Variants in WLS observed in about 807,000 individuals in gnomAD.
WLS encodes the protein Wnt ligand secretion mediator, also known as protein wntless homolog.
WLS carries 23 observed loss-of-function variants against 62.8 expected under a neutral mutation model. The observed-to-expected ratio is 0.37, with a 90% CI of 0.26 to 0.52. The LOEUF (loss-of-function observed/expected upper bound fraction) is 0.52. WLS is among the 20% of genes least tolerant of loss of function. The pLI is 0.92. For synonymous variants in WLS, 246 were observed against 244.1 expected (o/e 1.01, Z -0.07); for missense variants, 615 against 697.3 (o/e 0.88, Z 1.33).
intron 11 of WLS, among the ~76,000 whole-genome samples, chr1:68,126,655 T>TC (rs1646435220): frequency 6.6e-6 from 1 of 152,186 alleles, no homozygotes; most frequent in Non-Finnish European, 1.5e-5. Context: ...TCTAATCACT[T>TC]TGTAAGTGAT....
intron 11 of WLS, among the ~76,000 whole-genome samples, chr1:68,101,216 C>T (rs1646073573): frequency 6.6e-6 from 1 of 152,156 alleles, no homozygotes. Flanking sequence ...ATCAACACCT[C>T]ATGGGTTGTT....
intron 1 of WLS, chr1:68,202,293 C>T (rs1168957195): frequency 1.3e-5 from 2 of 152,178 alleles, no homozygotes; most frequent in Non-Finnish European, 2.9e-5. Context: ...GTAAAATGCA[C>T]ATAAAGGGCC....
At chr1:68,217,830 C>G (rs1251656983) in intron 1 of WLS, among the ~76,000 whole-genome samples, 1 of 152,076 alleles carries the variant, frequency 6.6e-6, no homozygotes, top group Non-Finnish European at 1.5e-5. Context: ...GGGTCTGGTT[C>G]CCCCACCGCC....
intron 2 of WLS, among the ~76,000 whole-genome samples, chr1:68,172,768 G>T (rs4233320): frequency 0.38 from 57,819 of 151,892 alleles, 11,169 homozygotes; most frequent in Non-Finnish European, 0.4. Context: ...GGCATTACAG[G>T]CAGAGGAAGC....
intron 11 of WLS, among the ~76,000 whole-genome samples, chr1:68,102,253 CT>C (rs60735568): frequency 0.28 from 42,601 of 152,098 alleles, 10,607 homozygotes; most frequent in African/African-American, 0.67. Flanking sequence ...GCCCCTTCCT[CT>C]TTTTACTTCT....
chr1:68,098,502 C>T (rs1350130112), exon 12 of WLS: 1 of 1,403,330 alleles, frequency 7.1e-7, no homozygotes, highest in African/African-American at 1.4e-5. Context: ...ATTGTTGACG[C>T]TTTTTTCCTT....
intron 1 of WLS, among the ~76,000 whole-genome samples, chr1:68,195,877 A>T (rs545430507): frequency 6.6e-6 from 1 of 152,000 alleles, no homozygotes; most frequent in Non-Finnish European, 1.5e-5. Context: ...GTGAGGTTCT[A>T]GTTTTATTTC....
chr1:68,228,842 C>CAAAAAAA (rs66626696), intron 1 of WLS, among the ~76,000 whole-genome samples: 638 of 58,022 alleles, frequency 0.011, 20 homozygotes, highest in Admixed American at 0.019. Flanking sequence ...ACACTGGTGC[C>CAAAAAAA]AAAAAAAAAA....
At chr1:68,168,865 G>T (rs182327281) in intron 2 of WLS, among the ~76,000 whole-genome samples, 1 of 152,096 alleles carries the variant, frequency 6.6e-6, no homozygotes, top group African/African-American at 2.4e-5. Context: ...TTTTCTTGAC[G>T]CTTTCAATTA....
chr1:68,151,837 G>C (rs1371674132), intron 5 of WLS, among the ~76,000 whole-genome samples: 2 of 152,144 alleles, frequency 1.3e-5, no homozygotes, highest in African/African-American at 4.8e-5. Flanking sequence ...GGAGAGCTTT[G>C]AGCAGAGGGG....
chr1:68,105,496 G>A lies in WLS; in HGVS notation c.1511-6743C>T, dbSNP rs183942070. Among the ~76,000 whole-genome samples the A allele has an allele frequency of 1.3e-3, 197 of 152,238 alleles. 1 individual carries two copies. The highest frequency in any genetic ancestry group is 4.5e-3 in the African/African-American group (188 of 41,550). The stretch of plus-strand genomic sequence containing the variant: ...TGTAGAAAAAGAATCCAGAAAGAAA[G>A]AAATGGTTTTGAGTAGCAACTTTGA... On this transcript the variant is annotated intron_variant, in intron 11 of 11. Coordinates refer to the WLS transcript ENST00000354777.
At chr1:68,166,609 A>C (rs1367379062) in intron 2 of WLS, among the ~76,000 whole-genome samples, 1 of 152,224 alleles carries the variant, frequency 6.6e-6, no homozygotes. Flanking sequence ...TCAAAGAGCC[A>C]CTCAACACAA....
intron 2 of WLS, among the ~76,000 whole-genome samples, chr1:68,189,125 T>C (rs1034005475): frequency 6.6e-6 from 1 of 152,190 alleles, no homozygotes; most frequent in Non-Finnish European, 1.5e-5. Flanking sequence ...CTGTCCAGCA[T>C]CTCCCTGCTC....
intron 1 of WLS, among the ~76,000 whole-genome samples, chr1:68,199,243 T>C (rs1648858854): frequency 6.6e-6 from 1 of 152,152 alleles, no homozygotes; most frequent in Admixed American, 6.6e-5. Context: ...GCAGGTACCG[T>C]ACTAACTAAA....
At chr1:68,231,567 C>T (rs999676306) in intron 1 of WLS, 182 of 294,764 alleles carry the variant, frequency 6.2e-4, no homozygotes, top group Non-Finnish European at 1.1e-3. Flanking sequence ...CCCACCCAAC[C>T]TCCCGGCCGA....
At chr1:68,171,144 C>T (rs1046074142) in intron 2 of WLS, among the ~76,000 whole-genome samples, 2 of 152,070 alleles carry the variant, frequency 1.3e-5, no homozygotes, top group African/African-American at 4.8e-5. Flanking sequence ...TTTGTTTCCA[C>T]CAAATATTTT....
chr1:68,213,176 C>T (rs758470296), intron 1 of WLS, among the ~76,000 whole-genome samples: 16 of 152,030 alleles, frequency 1.1e-4, no homozygotes, highest in Admixed American at 2.0e-4. Context: ...TAAAGCCGGG[C>T]GTGGTGGCTC....
At chr1:68,131,062 TTGTGTGTG>T (rs6143260) in intron 11 of WLS, among the ~76,000 whole-genome samples, 23 of 146,148 alleles carry the variant, frequency 1.6e-4, no homozygotes, top group South Asian at 1.1e-3. Flanking sequence ...CCAGCTAATT[TTGTGTGTG>T]TGTGTGTGTG....
At chr1:68,136,203 G>A (rs60880520) in intron 11 of WLS, among the ~76,000 whole-genome samples, 7,306 of 152,118 alleles carry the variant, frequency 0.048, 369 homozygotes, top group African/African-American at 0.13. Flanking sequence ...CATCTCTCAA[G>A]TAACTACCCC....
Sources: allele counts gnomAD v4.1 joint callset (sites outside exome capture counted in the v4.1 genomes callset), GRCh38; gene constraint gnomAD v4.1.1; transcripts MANE v1.5; gene names NCBI Gene and HGNC (gene_info 2026-07-23, HGNC 2026-07-21).